Variants in PPP2R3A observed in about 807,000 individuals in gnomAD.
PPP2R3A encodes the protein protein phosphatase 2 regulatory subunit B''alpha.
Under a neutral mutation model 106.9 loss-of-function variants are expected in PPP2R3A, and 80 were observed. The ratio of observed to expected loss-of-function variants is 0.75; its 90% CI spans 0.62 to 0.90. The LOEUF (loss-of-function observed/expected upper bound fraction) is 0.90. Among genes scored for constraint, PPP2R3A ranks in the 40% least tolerant of loss-of-function variants. PPP2R3A has a pLI of 0.00. For missense variants in PPP2R3A, 1,386 were observed against 1,350.4 expected (o/e 1.03, Z -0.41); for synonymous variants, 483 against 468.3 (o/e 1.03, Z -0.41).
chr3:136,087,243 G>GTA (rs1491461536), intron 8 of PPP2R3A, among the ~76,000 whole-genome samples: 1 of 75,062 alleles, frequency 1.3e-5, no homozygotes, highest in South Asian at 6.0e-4. Context: ...GTCTCTAGTC[G>GTA]TGTCTCTCTC....
intron 3 of PPP2R3A, among the ~76,000 whole-genome samples, chr3:136,038,795 A>T (rs1007733460): frequency 2.6e-5 from 4 of 152,222 alleles, no homozygotes; most frequent in African/African-American, 9.6e-5. Context: ...TCAACAGCTT[A>T]TACAGCCAGA....
rs1204228863 is a variant in PPP2R3A at position 136,002,226 on chromosome 3, T to TA, written c.735dup (p.Cys246MetfsTer16). 5.6e-6 allele frequency: 9 copies of TA among 1,613,360 alleles called. No individual in the cohort carries two copies. Among genetic ancestry groups the TA allele is most frequent in the Non-Finnish European group, 7.6e-6 (9 of 1,179,816 alleles). On this transcript the variant is annotated frameshift_variant, in exon 2 of 14. Coordinates refer to ENST00000264977, the MANE Select transcript of PPP2R3A (RefSeq NM_002718.5). LOFTEE classifies it high-confidence loss of function. ...ATCTTATTGAAATGCTCCGAGGATTTAAAAAAATGCACAGACATCATAAAA... is the reference window on the plus strand; with the variant it reads ...ATCTTATTGAAATGCTCCGAGGATTTAAAAAAAATGCACAGACATCATAAAA...
chr3:136,034,869 G>T (rs1486552573), intron 3 of PPP2R3A, among the ~76,000 whole-genome samples: 1 of 152,068 alleles, frequency 6.6e-6, no homozygotes, highest in East Asian at 1.9e-4. Flanking sequence ...CATTTCTTAG[G>T]TCTATTAGTA....
At chr3:136,072,110 A>C (rs2107910869) in intron 6 of PPP2R3A, among the ~76,000 whole-genome samples, 1 of 152,102 alleles carries the variant, frequency 6.6e-6, no homozygotes, top group Middle Eastern at 3.4e-3. Context: ...ATCATCTGAT[A>C]AAATTTAATT....
chr3:136,104,896 T>C (rs1401383357), intron 12 of PPP2R3A, among the ~76,000 whole-genome samples: 2 of 152,236 alleles, frequency 1.3e-5, no homozygotes, highest in Non-Finnish European at 2.9e-5. Context: ...TCTTCACTTA[T>C]TTTCTTTGTG....
intron 1 of PPP2R3A, among the ~76,000 whole-genome samples, chr3:135,990,728 G>A (rs1188675076): frequency 2.6e-5 from 4 of 152,142 alleles, no homozygotes; most frequent in African/African-American, 9.7e-5. Flanking sequence ...CCCCTGAGCT[G>A]CCTTCATTTA....
At chr3:136,144,947 T>G (rs1377447077) in intron 13 of PPP2R3A, 96 bp from the exon 14 acceptor site, 1 of 1,391,476 alleles carries the variant, frequency 7.2e-7, no homozygotes, top group African/African-American at 1.5e-5. Flanking sequence ...CAAGGTACCT[T>G]TGTGGGCTGG....
rs77741095 is a variant in PPP2R3A at position 136,137,277 on chromosome 3, A to C, written c.3330-7766A>C. 7.8e-3 allele frequency among the ~76,000 whole-genome samples: 1,180 copies of C among 152,232 alleles called. 25 individuals carry two copies. The highest frequency in any genetic ancestry group is 0.026 in the African/African-American group (1,074 of 41,534). On this transcript the variant is annotated intron_variant, in intron 13 of 13. Coordinates refer to ENST00000264977, the MANE Select transcript of PPP2R3A (RefSeq NM_002718.5). ...TGACTAATACTTGAAAAAATGGAAA[A>C]TATAAAGAGATTAAAATCACTCTTG...
chr3:136,064,682 C>T (rs1044648530), intron 5 of PPP2R3A, among the ~76,000 whole-genome samples: 1 of 152,054 alleles, frequency 6.6e-6, no homozygotes, highest in Admixed American at 6.5e-5. Context: ...CAGCCACGAT[C>T]TAAACAAGAA....
At chr3:136,089,604 G>GTT (rs542806670) in intron 9 of PPP2R3A, among the ~76,000 whole-genome samples, 105 of 139,522 alleles carry the variant, frequency 7.5e-4, no homozygotes, top group African/African-American at 7.2e-4. Flanking sequence ...GAATGGTGTT[G>GTT]TTTTTTTTTT....
intron 13 of PPP2R3A, 130 bp downstream of exon 13, chr3:136,106,452 A>G: frequency 1.4e-6 from 1 of 724,516 alleles, no homozygotes; most frequent in Non-Finnish European, 2.3e-6. Flanking sequence ...GATTTAGCCA[A>G]CTTTAGTTAA....
chr3:135,994,442 C>G (rs1307229720), intron 1 of PPP2R3A, among the ~76,000 whole-genome samples: 2 of 152,092 alleles, frequency 1.3e-5, no homozygotes, highest in African/African-American at 4.8e-5. Flanking sequence ...GTATGGAGAC[C>G]TAACTATTCT....
chr3:136,033,522 T>C (rs1934979424), intron 3 of PPP2R3A, among the ~76,000 whole-genome samples: 1 of 152,242 alleles, frequency 6.6e-6, no homozygotes, highest in Non-Finnish European at 1.5e-5. Context: ...TCCTTGACTT[T>C]TTTTGTTGGT....
At chr3:136,029,424 T>C (rs780802146) in intron 3 of PPP2R3A, among the ~76,000 whole-genome samples, 6 of 152,160 alleles carry the variant, frequency 3.9e-5, no homozygotes, top group Non-Finnish European at 8.8e-5. Context: ...CTCGGGGCCT[T>C]GCTAGCACTC....
intron 1 of PPP2R3A, among the ~76,000 whole-genome samples, chr3:135,992,990 A>G (rs1452071521): frequency 6.6e-6 from 1 of 152,176 alleles, no homozygotes; most frequent in Non-Finnish European, 1.5e-5. Flanking sequence ...ATTCTTTTCA[A>G]CTATAAAGCC....
intron 13 of PPP2R3A, among the ~76,000 whole-genome samples, chr3:136,128,096 CTG>C (rs1394192777): frequency 1.3e-5 from 2 of 152,166 alleles, no homozygotes; most frequent in South Asian, 2.1e-4. Context: ...TATGAAGAAA[CTG>C]TATCAATTAA....
At chr3:136,121,853 T>G (rs1938008810) in intron 13 of PPP2R3A, among the ~76,000 whole-genome samples, 1 of 152,160 alleles carries the variant, frequency 6.6e-6, no homozygotes, top group Non-Finnish European at 1.5e-5. Context: ...AATCTCAACA[T>G]GCTAGGTTTT....
intron 1 of PPP2R3A, among the ~76,000 whole-genome samples, chr3:135,969,028 A>C (rs1937168499): frequency 6.6e-6 from 1 of 152,152 alleles, no homozygotes; most frequent in African/African-American, 2.4e-5. Flanking sequence ...TCATATGTGA[A>C]TAAATATATT....
rs374976052 is a variant in PPP2R3A, at chr3:136,092,687, A to C, written c.2927+2020A>C. 2.0e-5 allele frequency among the ~76,000 whole-genome samples: 3 copies of C among 152,270 alleles called. No homozygotes were observed. The East Asian group carries it at 5.8e-4, about 29-fold the overall frequency. On this transcript the variant is annotated intron_variant, in intron 10 of 13. Coordinates refer to ENST00000264977, the MANE Select transcript of PPP2R3A (RefSeq NM_002718.5). Reference sequence around the variant, plus strand: ...TCATGATGGACATAAAAATAAACAAAATTGAATTGAGAGTTCAGAAATATA... The same window carrying C: ...TCATGATGGACATAAAAATAAACAACATTGAATTGAGAGTTCAGAAATATA...
Sources: gnomAD v4.1 joint callset for allele counts (sites outside exome capture counted in the v4.1 genomes callset) on GRCh38, gnomAD v4.1.1 for gene constraint, MANE v1.5 for transcripts, NCBI Gene and HGNC (gene_info 2026-07-23, HGNC 2026-07-21) for gene names.